Variants in RPAP3 observed in about 807,000 individuals in gnomAD.
RPAP3 encodes the protein RNA polymerase II-associated protein 3.
Under a neutral mutation model 88.8 loss-of-function variants are expected in RPAP3, and 58 were observed. That is an observed-to-expected ratio of 0.65 (90% CI 0.53 to 0.81). The LOEUF (loss-of-function observed/expected upper bound fraction) is 0.81. RPAP3 is among the 40% of genes least tolerant of loss of function. The pLI is 0.00. For synonymous variants in RPAP3, 255 were observed against 259.9 expected, an observed-to-expected ratio of 0.98 and a Z score of 0.18; for missense variants, 751 against 764.3, an observed-to-expected ratio of 0.98 and a Z score of 0.20.
intron 9 of RPAP3, among the ~76,000 whole-genome samples, chr12:47,686,365 A>T (rs965833926): frequency 6.6e-6 from 1 of 152,216 alleles, no homozygotes; most frequent in African/African-American, 2.4e-5. Flanking sequence ...GGGGCTCTGA[A>T]GTGAAAAATA....
chr12:47,686,545 T>TACACAAACACAC (rs57271770), intron 9 of RPAP3, among the ~76,000 whole-genome samples: 1 of 145,352 alleles, frequency 6.9e-6, no homozygotes, highest in Non-Finnish European at 1.5e-5. Flanking sequence ...CACATACACA[T>TACACAAACACAC]ACACACACAC....
In RPAP3 at chr12:47,694,369, GAA is replaced by G. The variant is rs1168068346; in HGVS notation, c.545+1905_545+1906del. On this transcript the variant is annotated intron_variant, in intron 5 of 16. Coordinates refer to ENST00000005386, the MANE Select transcript of RPAP3 (RefSeq NM_024604.3). Reference sequence around the variant, plus strand: ...AGCTGGAAAAACCTTCAGCATATGTGAAAACACCTAAATGTGAAAAGTAAATC... The same window carrying G: ...AGCTGGAAAAACCTTCAGCATATGTGAACACCTAAATGTGAAAAGTAAATC... Among the ~76,000 whole-genome samples the G allele has an allele frequency of 2.0e-5, 3 of 152,148 alleles. No homozygotes were observed. In the East Asian group the frequency reaches 5.8e-4, roughly 29 times the overall value.
rs1939336639 is a variant in RPAP3 at position 47,686,914 on chromosome 12, T to C, written c.865-7A>G. The C allele has an allele frequency of 6.4e-7, 1 of 1,569,394 alleles. No individual in the cohort carries two copies. Among genetic ancestry groups the C allele is most frequent in the Non-Finnish European group, 8.7e-7 (1 of 1,154,354 alleles). ...CTTTGAAAAATCCATTCCCCTGTTATTTTGTAGAGAGATATGGAGAATAAA... is the reference window on the plus strand; with the variant it reads ...CTTTGAAAAATCCATTCCCCTGTTACTTTGTAGAGAGATATGGAGAATAAA... On this transcript the variant is annotated splice_polypyrimidine_tract_variant and splice_region_variant and intron_variant, in intron 8 of 16. Transcript: ENST00000005386.
chr12:47,676,673 T>A (rs1482264748), intron 12 of RPAP3, among the ~76,000 whole-genome samples: 2 of 152,174 alleles, frequency 1.3e-5, no homozygotes, highest in African/African-American at 4.8e-5. Flanking sequence ...CCTGGACACA[T>A]ACACCCTCCC....
rs2136609168 is a variant in RPAP3 at position 47,670,208 on chromosome 12, T to G, written c.1425A>C (p.Thr475=). 6.2e-7 allele frequency: 1 copy of G among 1,613,978 alleles called. No individual in the cohort carries two copies. Among genetic ancestry groups the G allele is most frequent in the East Asian group, 2.2e-5 (1 of 44,858 alleles). ...CATCTTGGCTTGAATTCTTCTTACT[T>G]GTGGTGCCTGTGGCTGCTATTACAT... is the stretch of plus-strand genomic sequence containing the variant. ...LANVIAATGT[T]SKKNSSQDDL... is the part of the protein sequence containing the mutation. The change falls in exon 13 of 17, where the codon ACA becomes ACC. Residue 475 remains threonine (T), a synonymous_variant. Transcript: ENST00000005386.
intron 9 of RPAP3, among the ~76,000 whole-genome samples, chr12:47,683,305 C>A (rs141335481): frequency 1.1e-3 from 166 of 152,242 alleles, no homozygotes; most frequent in African/African-American, 3.9e-3. Context: ...CTGCAAATTT[C>A]GGGTTTCTTA....
chr12:47,686,343 G>C (rs1939319772), intron 9 of RPAP3, among the ~76,000 whole-genome samples: 1 of 152,162 alleles, frequency 6.6e-6, no homozygotes, highest in Non-Finnish European at 1.5e-5. Context: ...TTCCAGATAA[G>C]ACTTTGCCCA....
intron 9 of RPAP3, 115 bp from the exon 10 acceptor site, chr12:47,681,932 A>G: frequency 1.0e-6 from 1 of 1,002,618 alleles, no homozygotes; most frequent in Non-Finnish European, 1.4e-6. Context: ...CTAACTTCTA[A>G]ATCTGTGTTT....
Position 47,667,847 on chromosome 12 carries a change from A to G in RPAP3, c.1718T>C (p.Ile573Thr). 6.3e-7 allele frequency: 1 copy of G among 1,583,866 alleles called. No individual in the cohort carries two copies. The highest frequency in any genetic ancestry group is 8.6e-7 in the Non-Finnish European group (1 of 1,159,170). ...PDMLYQYLKQ[I>T]EPSLYPKLFQ... is the part of the protein sequence containing the mutation. ...CAACTTAGGATACAAAGATGGTTCAATTTGCTTGAAAAAAAAATAAAAAGA... is the reference window on the plus strand; with the variant it reads ...CAACTTAGGATACAAAGATGGTTCAGTTTGCTTGAAAAAAAAATAAAAAGA... Residue 573 changes from isoleucine (I) to threonine (T), a missense_variant, in exon 15 of 17, where the codon ATT (isoleucine) becomes ACT (threonine). By Grantham distance (89) the Ile-to-Thr change is moderately conservative (BLOSUM62 -1). Transcript: ENST00000005386.
intron 5 of RPAP3, among the ~76,000 whole-genome samples, chr12:47,692,106 T>C (rs1160324003): frequency 6.6e-6 from 1 of 152,218 alleles, no homozygotes; most frequent in Non-Finnish European, 1.5e-5. Flanking sequence ...GTTTTACTTA[T>C]AGAGCACAGG....
rs1408019041 is a variant in RPAP3, at chr12:47,672,882, A to G, written c.1288-2537T>C. Among the ~76,000 whole-genome samples the G allele has an allele frequency of 3.3e-5, 5 of 152,218 alleles. No individual in the cohort carries two copies. The East Asian group carries it at 9.6e-4, about 29-fold the overall frequency. On this transcript the variant is annotated intron_variant, in intron 12 of 16. Transcript: ENST00000005386. The stretch of plus-strand genomic sequence containing the variant: ...CATATTTGTAAAAGCTACTTATGGT[A>G]TATTAGTCATGGGATATTACACATA...
At chr12:47,667,945 A>C (rs952201632) in intron 14 of RPAP3, 94 bp from the exon 15 acceptor site, 3 of 830,524 alleles carry the variant, frequency 3.6e-6, no homozygotes, top group African/African-American at 1.7e-5. Context: ...GTAAAGAATA[A>C]CTACTTTGGG....
chr12:47,669,169 T>C (rs1938944413), intron 13 of RPAP3, 67 bp from the exon 14 acceptor site: 1 of 1,139,726 alleles, frequency 8.8e-7, no homozygotes, highest in Non-Finnish European at 1.3e-6. Context: ...CAAGGAGACA[T>C]CAATAAAAAT....
chr12:47,682,029 A>G (rs531211654), intron 9 of RPAP3, among the ~76,000 whole-genome samples: 1 of 152,262 alleles, frequency 6.6e-6, no homozygotes, highest in South Asian at 2.1e-4. Context: ...AGATTGAGGG[A>G]ATGTTAGGAG....
At chr12:47,678,318 C>T (rs942860727) in intron 12 of RPAP3, among the ~76,000 whole-genome samples, 1 of 152,144 alleles carries the variant, frequency 6.6e-6, no homozygotes, top group Non-Finnish European at 1.5e-5. Flanking sequence ...CTAGGAAATA[C>T]CATTCAGGCC....
At chr12:47,702,899 T>C (rs1939684898) in intron 1 of RPAP3, 53 bp from the exon 2 acceptor site, 1 of 1,444,520 alleles carries the variant, frequency 6.9e-7, no homozygotes, top group East Asian at 2.4e-5. Flanking sequence ...ATTTGGTTTA[T>C]TTTTCTGAAA....
chr12:47,686,751 A>C, intron 9 of RPAP3, 29 bp downstream of exon 9: 1 of 1,451,660 alleles, frequency 6.9e-7, no homozygotes, highest in East Asian at 2.5e-5. Context: ...TTTTATCCTG[A>C]ACAGCACTAA....
intron 3 of RPAP3, among the ~76,000 whole-genome samples, chr12:47,698,810 C>A (rs952577398): frequency 7.9e-5 from 12 of 152,178 alleles, no homozygotes; most frequent in African/African-American, 2.7e-4. Flanking sequence ...CCGTGACGAC[C>A]ATTAGAGTTC....
chr12:47,665,213 G>A (rs1938845457), intron 16 of RPAP3, among the ~76,000 whole-genome samples: 1 of 150,788 alleles, frequency 6.6e-6, no homozygotes, highest in Non-Finnish European at 1.5e-5. Context: ...TCTCCTGCCT[G>A]AGCCTCCCAA....
Sources: allele counts gnomAD v4.1 joint callset (sites outside exome capture counted in the v4.1 genomes callset), GRCh38; gene constraint gnomAD v4.1.1; transcripts MANE v1.5; gene names NCBI Gene and HGNC (gene_info 2026-07-23, HGNC 2026-07-21).